ASTN2: variants seen among roughly 807,000 people sequenced by gnomAD.
ASTN2 encodes the protein astrotactin-2.
ASTN2 carries 54 observed loss-of-function variants against 139.8 expected under a neutral mutation model. The ratio of observed to expected loss-of-function variants is 0.39; its 90% CI spans 0.31 to 0.48. The LOEUF (loss-of-function observed/expected upper bound fraction) is 0.48. ASTN2 is among the 20% of genes least tolerant of loss of function. ASTN2 has a pLI of 0.95. For missense variants in ASTN2, 1,565 were observed against 1,725.1 expected (o/e 0.91, Z 1.64); for synonymous variants, 756 against 719.5 (o/e 1.05, Z -0.81).
chr9:116,703,171 C>G (rs1388505361), intron 16 of ASTN2, among the ~76,000 whole-genome samples: 2 of 151,500 alleles, frequency 1.3e-5, no homozygotes, highest in Non-Finnish European at 2.9e-5. Context: ...GATTGCCATT[C>G]TAACTGGTGT....
chr9:116,574,251 A>G (rs966426165), intron 19 of ASTN2, among the ~76,000 whole-genome samples: 2 of 152,250 alleles, frequency 1.3e-5, no homozygotes, highest in African/African-American at 4.8e-5. Flanking sequence ...GTGTTCCAAT[A>G]AAACTTTATC....
At chr9:116,962,415 C>A (rs923671937) in intron 10 of ASTN2, among the ~76,000 whole-genome samples, 14 of 152,312 alleles carry the variant, frequency 9.2e-5, no homozygotes, top group Admixed American at 1.3e-4. Context: ...CCATAGGAAC[C>A]AAATCCCTCA....
At chr9:117,388,639 T>C (rs1830463700) in intron 1 of ASTN2, among the ~76,000 whole-genome samples, 1 of 152,174 alleles carries the variant, frequency 6.6e-6, no homozygotes. Flanking sequence ...TATGGATGGC[T>C]TGGTTAGGGT....
intron 19 of ASTN2, among the ~76,000 whole-genome samples, chr9:116,571,172 G>A (rs186936400): frequency 6.6e-6 from 1 of 152,208 alleles, no homozygotes; most frequent in Admixed American, 6.5e-5. Flanking sequence ...ACAATCCCTG[G>A]CCCCACGCTG....
intron 1 of ASTN2, among the ~76,000 whole-genome samples, chr9:117,376,434 C>A (rs1462818403): frequency 1.3e-5 from 2 of 152,150 alleles, no homozygotes; most frequent in African/African-American, 2.4e-5. Context: ...ATGAATAATC[C>A]TTATGAATGA....
chr9:117,266,772 A>T (rs1484382371), intron 2 of ASTN2, among the ~76,000 whole-genome samples: 1 of 152,222 alleles, frequency 6.6e-6, no homozygotes, highest in Non-Finnish European at 1.5e-5. Flanking sequence ...CTGATGAATA[A>T]TAAAATTAGT....
intron 6 of ASTN2, among the ~76,000 whole-genome samples, chr9:117,035,999 T>C (rs1366379419): frequency 1.3e-5 from 2 of 152,160 alleles, no homozygotes; most frequent in African/African-American, 2.4e-5. Context: ...ATAATAAGAG[T>C]AATAACAGCT....
At chr9:116,646,399 T>C (rs563402257) in intron 17 of ASTN2, among the ~76,000 whole-genome samples, 2 of 152,184 alleles carry the variant, frequency 1.3e-5, no homozygotes, top group African/African-American at 4.8e-5. Flanking sequence ...CTTGTATCCA[T>C]GTGGCCTGTA....
chr9:117,115,682 C>T (rs921918001), intron 4 of ASTN2, among the ~76,000 whole-genome samples: 1 of 152,000 alleles, frequency 6.6e-6, no homozygotes, highest in Non-Finnish European at 1.5e-5. Flanking sequence ...GTTTGAATGC[C>T]TACTACATAT....
intron 13 of ASTN2, among the ~76,000 whole-genome samples, chr9:116,773,940 TAAGA>T (rs1830017097): frequency 6.6e-6 from 1 of 152,230 alleles, no homozygotes; most frequent in South Asian, 2.1e-4. Flanking sequence ...TTTCATAGTT[TAAGA>T]GAGAGGTTAC....
chr9:117,254,597 T>A (rs1833632781), intron 2 of ASTN2, among the ~76,000 whole-genome samples: 1 of 152,204 alleles, frequency 6.6e-6, no homozygotes, highest in African/African-American at 2.4e-5. Context: ...TTGACTACCA[T>A]AACATAAAGC....
chr9:116,714,614 G>A (rs977934170), intron 16 of ASTN2, among the ~76,000 whole-genome samples: 1 of 152,114 alleles, frequency 6.6e-6, no homozygotes, highest in African/African-American at 2.4e-5. Context: ...GAACCTAAAA[G>A]ACCTGACCTA....
intron 13 of ASTN2, among the ~76,000 whole-genome samples, chr9:116,785,683 C>G (rs1455029277): frequency 1.3e-5 from 2 of 152,158 alleles, no homozygotes; most frequent in African/African-American, 4.8e-5. Flanking sequence ...TGCCTCCCTC[C>G]TTTCTCTCCC....
intron 3 of ASTN2, among the ~76,000 whole-genome samples, chr9:117,179,996 T>A (rs1831016366): frequency 6.6e-6 from 1 of 152,186 alleles, no homozygotes; most frequent in Non-Finnish European, 1.5e-5. Context: ...GGGCATCCAA[T>A]TCAAATGGCA....
intron 4 of ASTN2, among the ~76,000 whole-genome samples, chr9:117,129,373 T>A (rs1416181887): frequency 6.6e-5 from 10 of 152,242 alleles, no homozygotes; most frequent in South Asian, 4.1e-4. Flanking sequence ...TTCAGACAGA[T>A]AAAAATTAAA....
chr9:116,993,442 C>T (rs1426054870), intron 7 of ASTN2, among the ~76,000 whole-genome samples: 3 of 151,252 alleles, frequency 2.0e-5, no homozygotes, highest in Admixed American at 6.6e-5. Flanking sequence ...TGTACAGCCC[C>T]CTCTTTCTAC....
chr9:116,478,325 A>C (rs1207621825), intron 20 of ASTN2, among the ~76,000 whole-genome samples: 1 of 152,010 alleles, frequency 6.6e-6, no homozygotes. Flanking sequence ...GGAAAGGAGG[A>C]ATAAAATGAA....
chr9:116,940,352 C>A (rs1469686007), intron 10 of ASTN2, among the ~76,000 whole-genome samples: 1 of 152,090 alleles, frequency 6.6e-6, no homozygotes, highest in African/African-American at 2.4e-5. Flanking sequence ...TCAGACAATA[C>A]CTCCAGGAGG....
intron 1 of ASTN2, among the ~76,000 whole-genome samples, chr9:117,332,128 TTTC>T (rs1328183795): frequency 6.6e-6 from 1 of 152,218 alleles, no homozygotes; most frequent in Non-Finnish European, 1.5e-5. Context: ...ATGAATTCTT[TTTC>T]TTCAACTTGT....
Sources: gnomAD v4.1 joint callset for allele counts (sites outside exome capture counted in the v4.1 genomes callset) on GRCh38, gnomAD v4.1.1 for gene constraint, MANE v1.5 for transcripts, NCBI Gene and HGNC (gene_info 2026-07-23, HGNC 2026-07-21) for gene names.